Variants in CNTNAP2 observed in about 807,000 individuals in gnomAD.
CNTNAP2 encodes contactin-associated protein-like 2.
A neutral mutation model predicts 155.2 loss-of-function variants in CNTNAP2; 98 were observed. That is an observed-to-expected ratio of 0.63 (90% confidence interval 0.54 to 0.75). The LOEUF is 0.75. Ranked by LOEUF, CNTNAP2 falls within the 30% of genes least tolerant of loss-of-function variation. CNTNAP2 has a pLI of 0.00. For missense variants in CNTNAP2, 1,727 were observed against 1,688.1 expected (o/e 1.02, Z -0.40); for synonymous variants, 651 against 631.2 (o/e 1.03, Z -0.47).
intron 13 of CNTNAP2, among the ~76,000 whole-genome samples, chr7:147,884,969 C>T (rs1460161230): frequency 2.0e-5 from 3 of 152,220 alleles, no homozygotes; most frequent in African/African-American, 7.2e-5. Flanking sequence ...AGGTTTTGAG[C>T]TGCATAAGCA....
At chr7:147,632,923 G>T (rs1795111808) in intron 12 of CNTNAP2, among the ~76,000 whole-genome samples, 1 of 152,192 alleles carries the variant, frequency 6.6e-6, no homozygotes, top group African/African-American at 2.4e-5. Context: ...CAAAGAGACT[G>T]GTGGCATTTT....
chr7:146,842,361 T>C (rs1196774126), intron 3 of CNTNAP2, among the ~76,000 whole-genome samples: 1 of 152,150 alleles, frequency 6.6e-6, no homozygotes, highest in Non-Finnish European at 1.5e-5. Context: ...TTCACTTTGT[T>C]TCTTCCTTTC....
chr7:147,218,900 G>T (rs762475355), intron 8 of CNTNAP2, among the ~76,000 whole-genome samples: 10 of 152,118 alleles, frequency 6.6e-5, no homozygotes, highest in Middle Eastern at 3.2e-3. Context: ...ATACTTTGCT[G>T]CTCTCTTGTT....
intron 10 of CNTNAP2, among the ~76,000 whole-genome samples, chr7:147,432,879 C>T (rs17170498): frequency 0.16 from 24,940 of 152,090 alleles, 2,313 homozygotes; most frequent in East Asian, 0.35. Context: ...TGCTTTCCTT[C>T]ACTGGCACTT....
intron 14 of CNTNAP2, among the ~76,000 whole-genome samples, chr7:147,949,560 A>G (rs1163119144): frequency 6.6e-6 from 1 of 152,030 alleles, no homozygotes; most frequent in Non-Finnish European, 1.5e-5. Context: ...ACAGCTAGGA[A>G]TAAATTACAG....
chr7:147,566,733 G>A (rs1268574348), intron 12 of CNTNAP2, among the ~76,000 whole-genome samples: 1 of 152,152 alleles, frequency 6.6e-6, no homozygotes, highest in Non-Finnish European at 1.5e-5. Context: ...CAACACTTGG[G>A]AATTGTGGGG....
At chr7:146,760,545 C>CTCCT (rs1317894489) in intron 1 of CNTNAP2, among the ~76,000 whole-genome samples, 1 of 149,394 alleles carries the variant, frequency 6.7e-6, no homozygotes, top group Non-Finnish European at 1.5e-5. Context: ...CCACCTTAGC[C>CTCCT]TCCTAAGTAG....
chr7:146,922,317 A>AT (rs1796518439), intron 3 of CNTNAP2, among the ~76,000 whole-genome samples: 1 of 151,594 alleles, frequency 6.6e-6, no homozygotes, highest in Admixed American at 6.6e-5. Flanking sequence ...GACAAAATTG[A>AT]TTTTGCTTTT....
intron 10 of CNTNAP2, among the ~76,000 whole-genome samples, chr7:147,461,652 C>T (rs1055720737): frequency 2.0e-5 from 3 of 151,532 alleles, no homozygotes; most frequent in Admixed American, 6.6e-5. Context: ...ATTTAATTAT[C>T]CTGGGCTTGA....
intron 3 of CNTNAP2, among the ~76,000 whole-genome samples, chr7:146,924,923 A>G (rs1796575182): frequency 6.6e-6 from 1 of 152,132 alleles, no homozygotes; most frequent in African/African-American, 2.4e-5. Flanking sequence ...GTGATTCCAT[A>G]CAGGAATAGA....
At chr7:147,376,223 G>T (rs77469130) in intron 9 of CNTNAP2, among the ~76,000 whole-genome samples, 1 of 152,006 alleles carries the variant, frequency 6.6e-6, no homozygotes, top group Admixed American at 6.6e-5. Flanking sequence ...TCGGTAGTGA[G>T]AGCACAGAGG....
At chr7:147,839,209 G>T (rs1402575938) in intron 13 of CNTNAP2, among the ~76,000 whole-genome samples, 1 of 152,104 alleles carries the variant, frequency 6.6e-6, no homozygotes, top group Non-Finnish European at 1.5e-5. Context: ...GATTGAGGGT[G>T]GATCTGCCTT....
intron 1 of CNTNAP2, among the ~76,000 whole-genome samples, chr7:146,756,940 G>A (rs1038901789): frequency 3.9e-5 from 6 of 151,986 alleles, no homozygotes; most frequent in Non-Finnish European, 8.8e-5. Context: ...ACTGCCTCGT[G>A]GTTATTTCTA....
chr7:147,658,851 A>G (rs1795571039), intron 13 of CNTNAP2, among the ~76,000 whole-genome samples: 1 of 152,168 alleles, frequency 6.6e-6, no homozygotes, highest in Admixed American at 6.5e-5. Context: ...CAATCAGGCT[A>G]CAGTGGGGTC....
intron 9 of CNTNAP2, among the ~76,000 whole-genome samples, chr7:147,347,383 A>T (rs1369406835): frequency 3.0e-5 from 4 of 135,432 alleles, no homozygotes; most frequent in Non-Finnish European, 6.6e-5. Context: ...GGCACCAGAG[A>T]CTACCTTACC....
intron 21 of CNTNAP2, among the ~76,000 whole-genome samples, chr7:148,319,951 G>T (rs1199703950): frequency 7.3e-6 from 1 of 137,624 alleles, no homozygotes; most frequent in African/African-American, 2.9e-5. Context: ...CCACGGAAAA[G>T]CTGTCTTCTG....
intron 13 of CNTNAP2, among the ~76,000 whole-genome samples, chr7:147,695,478 G>A (rs1796147415): frequency 6.6e-6 from 1 of 152,038 alleles, no homozygotes; most frequent in South Asian, 2.1e-4. Flanking sequence ...TAATTCTCTG[G>A]GCAGTTCTAT....
chr7:146,296,562 T>C (rs1180128908), intron 1 of CNTNAP2, among the ~76,000 whole-genome samples: 1 of 152,174 alleles, frequency 6.6e-6, no homozygotes, highest in Admixed American at 6.6e-5. Context: ...GGAGGTAGCA[T>C]TTCTAATTTT....
At chr7:146,791,407 G>A (rs574278542) in intron 2 of CNTNAP2, among the ~76,000 whole-genome samples, 1 of 152,302 alleles carries the variant, frequency 6.6e-6, no homozygotes, top group South Asian at 2.1e-4. Flanking sequence ...ACATACATGT[G>A]CATGTGTCTT....
Sources: gnomAD v4.1 joint callset for allele counts (sites outside exome capture counted in the v4.1 genomes callset) on GRCh38, gnomAD v4.1.1 for gene constraint, MANE v1.5 for transcripts, NCBI Gene and HGNC (gene_info 2026-07-23, HGNC 2026-07-21) for gene names.